Variants in DLG2 observed in about 807,000 individuals in gnomAD.
DLG2 encodes the protein discs large MAGUK scaffold protein 2, also known as disks large homolog 2.
Under a neutral mutation model 132.5 loss-of-function variants are expected in DLG2, and 45 were observed. That is an observed-to-expected ratio of 0.34 (90% CI 0.27 to 0.44). The LOEUF (loss-of-function observed/expected upper bound fraction) is 0.44. Ranked by LOEUF, DLG2 falls within the 20% of genes least tolerant of loss-of-function variation. The pLI is 1.00. For missense variants in DLG2, 1,045 were observed against 1,196.9 expected, an observed-to-expected ratio of 0.87 and a Z score of 1.87; for synonymous variants, 424 against 419.6, an observed-to-expected ratio of 1.01 and a Z score of -0.13.
chr11:85,122,222 C>A (rs1484940367), intron 5 of DLG2, among the ~76,000 whole-genome samples: 1 of 152,140 alleles, frequency 6.6e-6, no homozygotes, highest in South Asian at 2.1e-4. Context: ...AAGACTATAA[C>A]AAAGATGCAG....
intron 6 of DLG2, among the ~76,000 whole-genome samples, chr11:84,993,369 G>A (rs1020719418): frequency 1.3e-5 from 2 of 152,070 alleles, no homozygotes; most frequent in African/African-American, 4.8e-5. Context: ...TCAGGCTGGT[G>A]GGAAAAATAT....
At chr11:83,509,429 C>T (rs748689107) in intron 21 of DLG2, among the ~76,000 whole-genome samples, 1 of 152,166 alleles carries the variant, frequency 6.6e-6, no homozygotes, top group African/African-American at 2.4e-5. Context: ...ACCTACAGAG[C>T]ATATTTTCCT....
At chr11:83,948,963 C>T (rs2084752013) in intron 14 of DLG2, among the ~76,000 whole-genome samples, 1 of 152,132 alleles carries the variant, frequency 6.6e-6, no homozygotes, top group Non-Finnish European at 1.5e-5. Context: ...TAACACCAAT[C>T]TCAAAAATTA....
intron 3 of DLG2, among the ~76,000 whole-genome samples, chr11:85,410,125 G>C (rs2089183173): frequency 6.6e-6 from 1 of 151,814 alleles, no homozygotes; most frequent in South Asian, 2.1e-4. Context: ...CATAAGACAA[G>C]AATAAGAAGT....
intron 4 of DLG2, among the ~76,000 whole-genome samples, chr11:85,176,424 A>T (rs141196167): frequency 0.019 from 2,956 of 152,330 alleles, 57 homozygotes; most frequent in Admixed American, 0.037. Context: ...TGAAAAATTG[A>T]AACTGGACCA....
intron 3 of DLG2, among the ~76,000 whole-genome samples, chr11:85,450,676 A>G (rs1359227156): frequency 3.3e-5 from 5 of 152,118 alleles, no homozygotes; most frequent in Admixed American, 3.3e-4. Context: ...ACCAACCCCA[A>G]TCTGGGGCTT....
intron 18 of DLG2, among the ~76,000 whole-genome samples, chr11:83,775,345 CG>C (rs2094540631): frequency 6.6e-6 from 1 of 152,116 alleles, no homozygotes; most frequent in African/African-American, 2.4e-5. Context: ...GGATGGTGCA[CG>C]GGTTGTTCTG....
At chr11:84,212,322 C>T (rs1000633289) in intron 8 of DLG2, among the ~76,000 whole-genome samples, 30 of 152,138 alleles carry the variant, frequency 2.0e-4, no homozygotes, top group Admixed American at 1.2e-3. Context: ...GTTTGCAGGG[C>T]TGGATCCAGG....
At chr11:84,061,780 G>A (rs1042317452) in intron 10 of DLG2, among the ~76,000 whole-genome samples, 5 of 150,748 alleles carry the variant, frequency 3.3e-5, no homozygotes, top group African/African-American at 9.8e-5. Flanking sequence ...CCTAAGATTC[G>A]GCAATGTCAT....
At chr11:85,224,650 G>A (rs919158085) in intron 4 of DLG2, among the ~76,000 whole-genome samples, 4 of 152,074 alleles carry the variant, frequency 2.6e-5, no homozygotes, top group African/African-American at 4.8e-5. Context: ...ATAGGGTTAT[G>A]AATGATTTAT....
At chr11:85,115,718 G>A (rs576782299) in intron 5 of DLG2, among the ~76,000 whole-genome samples, 3 of 152,044 alleles carry the variant, frequency 2.0e-5, no homozygotes, top group African/African-American at 7.2e-5. Context: ...TGTAAGAAGA[G>A]GGCGTTACAG....
intron 6 of DLG2, 173 bp from the exon 7 acceptor site, chr11:84,534,904 T>C: frequency 1.3e-6 from 1 of 778,558 alleles, no homozygotes. Context: ...CCAGGTCAAA[T>C]GCAAGCAGAA....
chr11:84,096,622 C>T (rs1039718882), intron 10 of DLG2, among the ~76,000 whole-genome samples: 5 of 151,910 alleles, frequency 3.3e-5, no homozygotes, highest in Admixed American at 2.0e-4. Flanking sequence ...GATTATGGCC[C>T]GCCATAATGA....
chr11:85,066,389 G>A (rs80080895), intron 6 of DLG2, among the ~76,000 whole-genome samples: 24 of 151,598 alleles, frequency 1.6e-4, no homozygotes, highest in African/African-American at 5.5e-4. Context: ...TGGTACAAAC[G>A]CTATTGAAAT....
intron 6 of DLG2, among the ~76,000 whole-genome samples, chr11:84,679,014 T>C (rs1478732116): frequency 6.6e-6 from 1 of 152,078 alleles, no homozygotes; most frequent in African/African-American, 2.4e-5. Context: ...TTTATTCTCA[T>C]AGAAATTTTG....
chr11:84,008,699 T>A (rs918034900), intron 11 of DLG2, among the ~76,000 whole-genome samples: 1 of 151,922 alleles, frequency 6.6e-6, no homozygotes, highest in Admixed American at 6.6e-5. Context: ...AATTCATACA[T>A]ATCAAAAATA....
intron 11 of DLG2, among the ~76,000 whole-genome samples, chr11:84,049,680 G>T (rs960101420): frequency 6.6e-5 from 10 of 151,766 alleles, no homozygotes; most frequent in African/African-American, 2.2e-4. Flanking sequence ...ATGACTTAGG[G>T]TTAGAATTAG....
chr11:84,785,793 T>A (rs2072777021), intron 6 of DLG2, among the ~76,000 whole-genome samples: 3 of 152,102 alleles, frequency 2.0e-5, no homozygotes, highest in Admixed American at 2.0e-4. Flanking sequence ...GATGCTCAGA[T>A]TGCCTTATTT....
intron 14 of DLG2, among the ~76,000 whole-genome samples, chr11:83,941,301 T>C (rs1454218527): frequency 6.6e-6 from 1 of 152,158 alleles, no homozygotes; most frequent in Non-Finnish European, 1.5e-5. Context: ...TTCCAGCATA[T>C]ACATTTACTC....
Sources: gnomAD v4.1 joint callset for allele counts (sites outside exome capture counted in the v4.1 genomes callset) on GRCh38, gnomAD v4.1.1 for gene constraint, MANE v1.5 for transcripts, NCBI Gene and HGNC (gene_info 2026-07-23, HGNC 2026-07-21) for gene names.